Variants in CFAP54 observed in about 807,000 individuals in gnomAD.
CFAP54 encodes the protein cilia- and flagella-associated protein 54.
A neutral mutation model predicts 370.4 loss-of-function variants in CFAP54; 290 were observed. That is an observed-to-expected ratio of 0.78 (90% confidence interval 0.71 to 0.86). The LOEUF is 0.86. Among genes scored for constraint, CFAP54 ranks in the 40% least tolerant of loss-of-function variants. CFAP54 has a pLI of 0.00. For synonymous variants in CFAP54, 1,206 were observed against 1,236.5 expected, an observed-to-expected ratio of 0.98 and a Z score of 0.52; for missense variants, 3,399 against 3,528.7, an observed-to-expected ratio of 0.96 and a Z score of 0.93.
intron 66 of CFAP54, among the ~76,000 whole-genome samples, chr12:96,843,285 T>C (rs1959244307): frequency 6.6e-6 from 1 of 152,186 alleles, no homozygotes; most frequent in South Asian, 2.1e-4. Flanking sequence ...TTTTCATTTC[T>C]ATATCGCAGG....
intron 52 of CFAP54, 67 bp from the exon 53 acceptor site, chr12:96,743,335 G>A: frequency 6.7e-7 from 1 of 1,496,254 alleles, no homozygotes; most frequent in South Asian, 1.2e-5. Context: ...GAAAATTGGG[G>A]CTATTACACA....
At chr12:96,588,404 T>C (rs1264073435) in intron 22 of CFAP54, among the ~76,000 whole-genome samples, 1 of 152,234 alleles carries the variant, frequency 6.6e-6, no homozygotes, top group Non-Finnish European at 1.5e-5. Context: ...TTATTCTTTG[T>C]AGTTTTTCTG....
At chr12:96,861,850 T>A (rs929771199) in intron 67 of CFAP54, among the ~76,000 whole-genome samples, 2 of 152,192 alleles carry the variant, frequency 1.3e-5, no homozygotes, top group African/African-American at 4.8e-5. Flanking sequence ...CATTTCTGAC[T>A]CATTTTGTCT....
chr12:96,648,008 T>A lies in CFAP54; in HGVS notation c.4681T>A (p.Leu1561Ile), dbSNP rs1441427107. ...LLTAKKRKAN[L>I]PSDAEEFSTF... Reference sequence around the variant, plus strand: ...TACAGCCAAAAAAAGAAAGGCCAACTTACCATCAGGTAAAATAAACATGTT... The same window carrying A: ...TACAGCCAAAAAAAGAAAGGCCAACATACCATCAGGTAAAATAAACATGTT... Residue 1561 changes from leucine to isoleucine, a missense_variant, in exon 34 of 68, where the codon TTA (leucine) becomes ATA (isoleucine). Transcript: ENST00000524981. The A allele has an allele frequency of 2.0e-6, 3 of 1,500,910 alleles. No individual in the cohort carries two copies. The East Asian group carries it at 7.5e-5, about 37-fold the overall frequency. 93.0% of individuals were successfully genotyped at this position (1,500,910 alleles called of 1,614,324 possible). A position where few individuals can be genotyped will look rare whatever the true frequency, so the allele number is the denominator to read the frequency against.
intron 45 of CFAP54, among the ~76,000 whole-genome samples, chr12:96,699,507 A>G (rs1278270596): frequency 6.6e-6 from 1 of 152,168 alleles, no homozygotes; most frequent in Admixed American, 6.5e-5. Flanking sequence ...AAAATAAAAG[A>G]AAATTAGTAG....
chr12:96,657,432 T>TA (rs1956933761), intron 36 of CFAP54, among the ~76,000 whole-genome samples: 1 of 152,226 alleles, frequency 6.6e-6, no homozygotes, highest in African/African-American at 2.4e-5. Context: ...AGTTTCTTCC[T>TA]AAAAATCTTA....
At chr12:96,617,218 A>G (rs1420951994) in intron 26 of CFAP54, among the ~76,000 whole-genome samples, 1 of 152,202 alleles carries the variant, frequency 6.6e-6, no homozygotes, top group African/African-American at 2.4e-5. Flanking sequence ...TTTGGAGTCG[A>G]TAGGATATCC....
intron 2 of CFAP54, among the ~76,000 whole-genome samples, chr12:96,502,975 T>C (rs1336223441): frequency 6.6e-6 from 1 of 152,120 alleles, no homozygotes; most frequent in Non-Finnish European, 1.5e-5. Flanking sequence ...TTATTTTCTC[T>C]TCTTTGGTTC....
chr12:96,762,570 T>A (rs548136578), intron 58 of CFAP54, among the ~76,000 whole-genome samples: 2 of 152,366 alleles, frequency 1.3e-5, no homozygotes, highest in East Asian at 3.9e-4. Flanking sequence ...TCCTTTCCAT[T>A]GGAGTTGACT....
chr12:96,594,426 G>T lies in CFAP54; in HGVS notation c.3496G>T (p.Val1166Phe), dbSNP rs377208615. 2.0e-6 allele frequency: 3 copies of T among 1,533,172 alleles called. No homozygotes were observed. The East Asian group carries it at 7.3e-5, about 38-fold the overall frequency. The allele number at this position is 1,533,172 out of a possible 1,614,324, so 95.0% of individuals were successfully genotyped here. ...LLAPIIYHNI[V>F]LVPVVQILIK... ...TGCTCCCATAATTTATCACAATATT[G>T]TTTTGGTACCTGTTGTACAGGTAAG... Residue 1166 changes from valine to phenylalanine, a missense_variant, in exon 25 of 68, where the codon GTT becomes TTT. Physicochemically the swap from Val to Phe is conservative, Grantham distance 50. Transcript: ENST00000524981.
intron 31 of CFAP54, 137 bp downstream of exon 31, chr12:96,630,341 A>G: frequency 1.6e-6 from 1 of 610,532 alleles, no homozygotes; most frequent in Non-Finnish European, 2.7e-6. Context: ...ATAATTACAC[A>G]ATACAACTTT....
chr12:96,827,856 T>A (rs1462244907), intron 65 of CFAP54, among the ~76,000 whole-genome samples: 1 of 113,116 alleles, frequency 8.8e-6, no homozygotes, highest in Non-Finnish European at 1.7e-5. Context: ...TTATATATAA[T>A]ACATAGTAAT....
At position 96,765,239 on chromosome 12, in the gene CFAP54, A is replaced by G. The variant is rs759440191; in HGVS notation, c.8281+21A>G. 1.4e-5 allele frequency: 20 copies of G among 1,459,414 alleles called. 1 individual carries two copies. The South Asian group carries it at 3.2e-4, about 23-fold the overall frequency. The allele number at this position is 1,459,414 out of a possible 1,614,324, so 90.4% of individuals were successfully genotyped here. A position where few individuals can be genotyped will look rare whatever the true frequency, so the allele number is the denominator to read the frequency against. The stretch of plus-strand genomic sequence containing the variant: ...GCTTGGTATGTTTGGATGTCTACAT[A>G]TTATGCAAAAAAACTGATATATGTA... On this transcript the variant is annotated intron_variant, in intron 60 of 67. Coordinates refer to ENST00000524981, the MANE Select transcript of CFAP54 (RefSeq NM_001306084.2).
intron 45 of CFAP54, among the ~76,000 whole-genome samples, chr12:96,697,401 C>T (rs1262313225): frequency 6.6e-6 from 1 of 152,152 alleles, no homozygotes; most frequent in East Asian, 1.9e-4. Context: ...CCCTGAACCT[C>T]CTTTGATATT....
chr12:96,604,209 C>G lies in CFAP54; in HGVS notation c.3639+5442C>G, dbSNP rs145955185. Among the ~76,000 whole-genome samples the G allele has an allele frequency of 9.1e-3, 1,380 of 152,332 alleles. 11 individuals are homozygous for G. Among genetic ancestry groups the G allele is most frequent in the Middle Eastern group, 0.037 (11 of 294 alleles). On this transcript the variant is annotated intron_variant, in intron 26 of 67. Coordinates refer to ENST00000524981, the MANE Select transcript of CFAP54 (RefSeq NM_001306084.2). ...TGTTAGTTTTCCTTCTAATAGGCCC[C>G]TCAGCTGCAGTTCTGTTGGAGTTTG...
chr12:96,829,863 A>G (rs921195365), intron 66 of CFAP54, among the ~76,000 whole-genome samples: 7 of 152,080 alleles, frequency 4.6e-5, no homozygotes, highest in Non-Finnish European at 8.8e-5. Flanking sequence ...CCATTAAACA[A>G]TAACTCCTCA....
At chr12:96,625,662 A>C in intron 28 of CFAP54, 56 bp from the exon 29 acceptor site, 1 of 1,099,972 alleles carries the variant, frequency 9.1e-7, no homozygotes, top group Non-Finnish European at 1.3e-6. Context: ...TACTCAAAAA[A>C]TTTGTATTTT....
At chr12:96,503,793 C>A in intron 2 of CFAP54, 93 bp from the exon 3 acceptor site, 2 of 1,124,132 alleles carry the variant, frequency 1.8e-6, no homozygotes, top group Non-Finnish European at 2.4e-6. Flanking sequence ...TAATAATCAA[C>A]CTTGATACTA....
At chr12:96,809,738 T>C (rs1237639922) in intron 63 of CFAP54, among the ~76,000 whole-genome samples, 1 of 152,144 alleles carries the variant, frequency 6.6e-6, no homozygotes, top group East Asian at 1.9e-4. Flanking sequence ...GTGGGCCTCA[T>C]TACAGGATAA....
Sources: gnomAD v4.1 joint callset for allele counts (sites outside exome capture counted in the v4.1 genomes callset) on GRCh38, gnomAD v4.1.1 for gene constraint, MANE v1.5 for transcripts, NCBI Gene and HGNC (gene_info 2026-07-23, HGNC 2026-07-21) for gene names.